Variants in SIM1 observed in about 807,000 individuals in gnomAD.
SIM1 encodes the protein SIM bHLH transcription factor 1, also known as single-minded homolog 1.
SIM1 carries 18 observed loss-of-function variants against 78.2 expected under a neutral mutation model. The observed-to-expected ratio is 0.23, with a 90% CI of 0.16 to 0.34. The LOEUF is 0.34. SIM1 is among the 10% of genes least tolerant of loss of function. The pLI, the probability that SIM1 is intolerant of heterozygous loss-of-function variation, is 1.00. For missense variants in SIM1, 939 were observed against 975.1 expected, an observed-to-expected ratio of 0.96 and a Z score of 0.49; for synonymous variants, 417 against 385.2, an observed-to-expected ratio of 1.08 and a Z score of -0.97.
chr6:100,444,878 G>C (rs2114535955), intron 9 of SIM1, among the ~76,000 whole-genome samples: 1 of 152,186 alleles, frequency 6.6e-6, no homozygotes, highest in East Asian at 1.9e-4. Flanking sequence ...CTACTTTCAT[G>C]ACATGAAAAT....
At chr6:100,459,236 T>A (rs1334830712) in intron 2 of SIM1, among the ~76,000 whole-genome samples, 4 of 152,254 alleles carry the variant, frequency 2.6e-5, no homozygotes, top group African/African-American at 9.6e-5. Context: ...TTTGTTGTTT[T>A]TATTAGTGAT....
Position 100,420,911 on chromosome 6 carries a change from G to C in SIM1, c.1046C>G (p.Ala349Gly), listed in dbSNP as rs1771562639. 1 of 1,613,778 alleles carries C rather than the reference G, an allele frequency of 6.2e-7. No individual in the cohort carries two copies. Residue 349 changes from alanine (A) to glycine (G), a missense_variant, in exon 10 of 12, where the codon GCC becomes GGC. By Grantham distance (60) the Ala-to-Gly change is moderately conservative (BLOSUM62 0). Transcript: ENST00000369208. ...GGTATAGGAGAAGGCTGGTTTGGAG[G>C]CTGAGATCTGATCCAGGGAGAGCTG... is the stretch of plus-strand genomic sequence containing the variant. ...GLQLSLDQIS[A>G]SKPAFSYTSS...
At position 100,448,076 on chromosome 6, in the gene SIM1, G is replaced by A. The variant is rs1038857308; in HGVS notation, c.850+70C>T. ...TGTCCTCTTGCGAGGGATTTAAATC[G>A]TGGCTCCCCCACCCCCTAACCAGCG... On this transcript the variant is annotated intron_variant, in intron 8 of 11. Coordinates refer to ENST00000369208, the MANE Select transcript of SIM1 (RefSeq NM_005068.3). 3.9e-6 allele frequency: 5 copies of A among 1,279,984 alleles called. No homozygotes were observed. The African/African-American group carries it at 5.9e-5, about 15-fold the overall frequency. The allele number at this position is 1,279,984 out of a possible 1,614,324, so 79.3% of individuals were successfully genotyped here.
At chr6:100,453,188 T>G (rs1351869304) in intron 3 of SIM1, among the ~76,000 whole-genome samples, 1 of 152,184 alleles carries the variant, frequency 6.6e-6, no homozygotes, top group Non-Finnish European at 1.5e-5. Context: ...ACTCATTATC[T>G]GGGGGTGTGT....
Position 100,434,408 on chromosome 6 carries a change from G to T in SIM1, c.998+12860C>A, listed in dbSNP as rs74992302. On this transcript the variant is annotated intron_variant, in intron 9 of 11. Coordinates refer to ENST00000369208, the MANE Select transcript of SIM1 (RefSeq NM_005068.3). ...TATCAAAATTAAAATGAAAAACTCT[G>T]TGTTGCATTTGGCTTGATCTGATAA... Among the ~76,000 whole-genome samples, 187 of 152,324 alleles carry T rather than the reference G, an allele frequency of 1.2e-3. 1 individual carries two copies. Among genetic ancestry groups the T allele is most frequent in the Non-Finnish European group, 2.1e-3 (143 of 68,034 alleles).
In SIM1 at chr6:100,389,659, C is replaced by T. The variant is rs895147205; in HGVS notation, c.*702G>A. On this transcript the variant is annotated 3_prime_UTR_variant, in exon 12 of 12. Transcript: ENST00000369208. ...TGTTCTTACTTAGAAAAACCCTCAG[C>T]GCCATGTCAGTGCAATCCTGGTCCT... 3 of 398,844 alleles carry T rather than the reference C, an allele frequency of 7.5e-6. No homozygotes were observed. The highest frequency in any genetic ancestry group is 8.8e-6 in the Non-Finnish European group (2 of 226,046). 24.7% of individuals were successfully genotyped at this position (398,844 alleles called of 1,614,324 possible).
At chr6:100,447,609 C>T (rs575772636) in intron 8 of SIM1, among the ~76,000 whole-genome samples, 194 bp from the exon 9 acceptor site, 1 of 152,352 alleles carries the variant, frequency 6.6e-6, no homozygotes, top group Non-Finnish European at 1.5e-5. Context: ...GCCCTCCGGT[C>T]ACCCTTCTAG....
intron 9 of SIM1, among the ~76,000 whole-genome samples, chr6:100,433,514 C>G (rs1479008771): frequency 6.6e-6 from 1 of 152,180 alleles, no homozygotes; most frequent in Non-Finnish European, 1.5e-5. Context: ...TCTCCTATCA[C>G]TTTCTGATAT....
chr6:100,386,611 T>G lies in SIM1; in HGVS notation c.*3750A>C, dbSNP rs1010271206. 1 of 152,032 alleles carries G rather than the reference T, an allele frequency of 6.6e-6. No individual in the cohort carries two copies. Among genetic ancestry groups the G allele is most frequent in the Non-Finnish European group, 1.5e-5 (1 of 67,916 alleles). 9.4% of individuals were successfully genotyped at this position (152,032 alleles called of 1,614,324 possible). A position where few individuals can be genotyped will look rare whatever the true frequency, so the allele number is the denominator to read the frequency against. ...AAATAAAAATTGGAGCACACTACCC[T>G]TTTCTAGAAGATCCCCTAAAGCTTA... On this transcript the variant is annotated 3_prime_UTR_variant, in exon 12 of 12. Transcript: ENST00000369208.
intron 9 of SIM1, chr6:100,426,996 A>C (rs1297203271): frequency 6.6e-6 from 1 of 152,234 alleles, no homozygotes; most frequent in Non-Finnish European, 1.5e-5. Flanking sequence ...TGAAATAAGC[A>C]GAGGATTGCA....
intron 9 of SIM1, among the ~76,000 whole-genome samples, chr6:100,429,261 T>C (rs1025507433): frequency 2.6e-5 from 4 of 151,880 alleles, no homozygotes; most frequent in African/African-American, 9.7e-5. Flanking sequence ...TCCCAGCTAC[T>C]TGAGGGGCTG....
At chr6:100,412,565 A>AAGAAAGAG in intron 10 of SIM1, among the ~76,000 whole-genome samples, 1 of 90,068 alleles carries the variant, frequency 1.1e-5, no homozygotes, top group East Asian at 5.9e-4. Flanking sequence ...AAAAGAAAGA[A>AAGAAAGAG]AGAAAGAAAG....
At position 100,450,351 on chromosome 6, in the gene SIM1, C is replaced by G; in HGVS notation, c.264G>C (p.Leu88=). 1 of 1,613,954 alleles carries G rather than the reference C, an allele frequency of 6.2e-7. No homozygotes were observed. Among genetic ancestry groups the G allele is most frequent in the Non-Finnish European group, 8.5e-7 (1 of 1,179,986 alleles). The change falls in exon 4 of 12, where the codon CTG becomes CTC. Residue 88 remains leucine, a synonymous_variant. Transcript: ENST00000369208. The part of the protein sequence containing the change: ...RELGSHLLQT[L]DGFIFVVAPD... ...GGGCTACCACGAAGATGAAGCCATC[C>G]AGGGTCTGGGGAGGCACAAATAGAG...
chr6:100,447,121 C>T, intron 9 of SIM1, 147 bp downstream of exon 9: 2 of 773,680 alleles, frequency 2.6e-6, no homozygotes, highest in Admixed American at 2.9e-5. Context: ...GTTCGATCTG[C>T]CTCCTCTTGG....
chr6:100,432,546 G>C (rs1418521596), intron 9 of SIM1, among the ~76,000 whole-genome samples: 1 of 151,928 alleles, frequency 6.6e-6, no homozygotes, highest in Admixed American at 6.6e-5. Flanking sequence ...CTTTCCCCAA[G>C]GCGTACCTCA....
At chr6:100,391,497 T>C (rs182601892) in intron 11 of SIM1, among the ~76,000 whole-genome samples, 226 of 152,342 alleles carry the variant, frequency 1.5e-3, no homozygotes, top group African/African-American at 4.8e-3. Context: ...CCATGTTAAA[T>C]TGATGCTTGA....
At chr6:100,438,620 CA>C (rs1772122032) in intron 9 of SIM1, among the ~76,000 whole-genome samples, 1 of 152,080 alleles carries the variant, frequency 6.6e-6, no homozygotes, top group African/African-American at 2.4e-5. Flanking sequence ...GGTATCTACC[CA>C]AAGGAAAATA....
intron 11 of SIM1, among the ~76,000 whole-genome samples, chr6:100,391,392 T>G (rs550277708): frequency 6.6e-6 from 1 of 152,326 alleles, no homozygotes; most frequent in African/African-American, 2.4e-5. Flanking sequence ...AAAGTGTGTT[T>G]ATACTTCTCC....
chr6:100,385,885 C>T lies in SIM1; in HGVS notation c.*4476G>A, dbSNP rs372339717. 70 of 152,078 alleles carry T rather than the reference C, an allele frequency of 4.6e-4. No homozygotes were observed. Among genetic ancestry groups the T allele is most frequent in the Admixed American group, 1.2e-3 (19 of 15,274 alleles). The allele number at this position is 152,078 out of a possible 1,614,324, so 9.4% of individuals were successfully genotyped here. On this transcript the variant is annotated 3_prime_UTR_variant, in exon 12 of 12. Coordinates refer to ENST00000369208, the MANE Select transcript of SIM1 (RefSeq NM_005068.3). The stretch of plus-strand genomic sequence containing the variant: ...TGAGTTAAGCACTATCTGTACAACC[C>T]TTACAAGAAATTAGCACCACACAGA...
Sources: gnomAD v4.1 joint callset for allele counts (sites outside exome capture counted in the v4.1 genomes callset) on GRCh38, gnomAD v4.1.1 for gene constraint, MANE v1.5 for transcripts, NCBI Gene and HGNC (gene_info 2026-07-23, HGNC 2026-07-21) for gene names.